Variants in DST observed in about 807,000 individuals in gnomAD.
DST encodes bullous pemphigoid antigen.
Under a neutral mutation model 875.2 loss-of-function variants are expected in DST, and 253 were observed. The ratio of observed to expected loss-of-function variants is 0.29; its 90% CI spans 0.26 to 0.32. The LOEUF is 0.32. Among genes scored for constraint, DST ranks in the 10% least tolerant of loss-of-function variants. The probability of loss-of-function intolerance (pLI) is 1.00; values close to 1 mark genes in which losing one functional copy is unlikely to be tolerated. For missense variants in DST, 8,287 were observed against 9,111.6 expected (o/e 0.91, Z 3.68); for synonymous variants, 3,124 against 3,197.1 (o/e 0.98, Z 0.77).
At position 56,458,786 on chromosome 6, in the gene DST, A is replaced by C. The variant is rs920945556; in HGVS notation, c.*219T>G. ...CAGTGCAGAAATGTTAGTTCATGTT[A>C]AACTTTTCCTCCTCACATATGATGT... On this transcript the variant is annotated 3_prime_UTR_variant, in exon 104 of 104. Coordinates refer to ENST00000680361, the MANE Select transcript of DST (RefSeq NM_001374736.1). 1 of 463,118 alleles carries C rather than the reference A, an allele frequency of 2.2e-6. No homozygotes were observed. The highest frequency in any genetic ancestry group is 2.0e-5 in the African/African-American group (1 of 50,866). The allele number at this position is 463,118 out of a possible 1,614,324, so 28.7% of individuals were successfully genotyped here. A position where few individuals can be genotyped will look rare whatever the true frequency, so the allele number is the denominator to read the frequency against.
chr6:56,801,288 C>T (rs1227160700), intron 4 of DST, among the ~76,000 whole-genome samples: 1 of 152,176 alleles, frequency 6.6e-6, no homozygotes, highest in African/African-American at 2.4e-5. Context: ...TTTTCACTTA[C>T]ACTCAGGAGA....
At chr6:56,627,372 T>A in intron 33 of DST, 85 bp from the exon 34 acceptor site, 1 of 911,856 alleles carries the variant, frequency 1.1e-6, no homozygotes, top group Non-Finnish European at 1.8e-6. Flanking sequence ...AAGACATATC[T>A]ACATCACTTC....
chr6:56,516,918 G>A (rs1412684643), intron 71 of DST, among the ~76,000 whole-genome samples: 1 of 152,084 alleles, frequency 6.6e-6, no homozygotes, highest in East Asian at 1.9e-4. Flanking sequence ...TAATAATACA[G>A]CTAACATTAA....
intron 80 of DST, 48 bp from the exon 81 acceptor site, chr6:56,498,101 A>G (rs1435009139): frequency 1.3e-6 from 2 of 1,519,192 alleles, no homozygotes; most frequent in East Asian, 2.3e-5. Context: ...TAACATGTTA[A>G]TATCATCTTT....
chr6:56,865,699 A>G (rs988687420), intron 3 of DST, among the ~76,000 whole-genome samples: 3 of 151,930 alleles, frequency 2.0e-5, no homozygotes, highest in Non-Finnish European at 4.4e-5. Flanking sequence ...TGCTCTGTTG[A>G]GTCATAGGGA....
At chr6:56,672,481 G>T (rs2099106738) in intron 9 of DST, among the ~76,000 whole-genome samples, 2 of 151,996 alleles carry the variant, frequency 1.3e-5, no homozygotes, top group African/African-American at 4.8e-5. Context: ...ACACATAGAA[G>T]AAATTTCTTT....
At chr6:56,622,888 C>T (rs1244886447) in intron 36 of DST, among the ~76,000 whole-genome samples, 2 of 152,174 alleles carry the variant, frequency 1.3e-5, no homozygotes, top group African/African-American at 4.8e-5. Context: ...AATTAACTTG[C>T]ATCCATCTTT....
In DST at chr6:56,573,701, T is replaced by C. The variant is rs1296184009; in HGVS notation, c.13214A>G (p.Gln4405Arg). 6.2e-7 allele frequency: 1 copy of C among 1,613,290 alleles called. No homozygotes were observed. The highest frequency in any genetic ancestry group is 1.1e-5 in the South Asian group (1 of 91,048). The change falls in exon 51 of 104, where the codon CAG (glutamine) becomes CGG (arginine). Residue 4405 changes from glutamine to arginine, a missense_variant. Coordinates refer to ENST00000680361, the MANE Select transcript of DST (RefSeq NM_001374736.1). Reference protein sequence around the residue: ...GQVPLNSTALQDIISKNIMLE... With the variant: ...GQVPLNSTALRDIISKNIMLE... ...TACAATGTTTTTACTGATAATATCC[T>C]GAAGAGCAGTAGAGTTTAAAGGCAC...
chr6:56,937,579 A>T (rs1289007244), intron 2 of DST, among the ~76,000 whole-genome samples: 2 of 152,232 alleles, frequency 1.3e-5, no homozygotes, highest in African/African-American at 4.8e-5. Context: ...TTGTACAGCC[A>T]TTTAAAAAAA....
At position 56,572,579 on chromosome 6, in the gene DST, T is replaced by C. The variant is rs368035518; in HGVS notation, c.13554+168A>G. On this transcript the variant is annotated intron_variant, in intron 52 of 103. Coordinates refer to ENST00000680361, the MANE Select transcript of DST (RefSeq NM_001374736.1). Reference sequence around the variant, plus strand: ...TTATTTCCAATCAATCAGCAAAGGCTTCAAGGAAAAGATAAGGTTTGAAAT... The same window carrying C: ...TTATTTCCAATCAATCAGCAAAGGCCTCAAGGAAAAGATAAGGTTTGAAAT... Among the ~76,000 whole-genome samples, 3 of 152,320 alleles carry C rather than the reference T, an allele frequency of 2.0e-5. No individual in the cohort carries two copies. In the East Asian group the frequency reaches 5.8e-4, roughly 29 times the overall value.
intron 2 of DST, among the ~76,000 whole-genome samples, chr6:56,916,766 TCTCTCTCTCTCTCA>T (rs1231903742): frequency 1.0e-5 from 1 of 98,672 alleles, no homozygotes; most frequent in Non-Finnish European, 2.0e-5. Flanking sequence ...TCTCTCTCTC[TCTCTCTCTCTCTCA>T]CACACACACA....
intron 4 of DST, among the ~76,000 whole-genome samples, chr6:56,794,973 G>A (rs1056449810): frequency 9.2e-5 from 14 of 152,218 alleles, no homozygotes; most frequent in Non-Finnish European, 1.6e-4. Flanking sequence ...CACAGATAGC[G>A]AGTCCATAAT....
intron 103 of DST, 44 bp downstream of exon 103, chr6:56,460,087 C>G (rs2094251790): frequency 1.3e-6 from 2 of 1,569,880 alleles, no homozygotes; most frequent in African/African-American, 2.7e-5. Flanking sequence ...CCTCAGATGA[C>G]CATGCTGCAA....
At chr6:56,597,115 CTGT>C (rs2098398663) in intron 47 of DST, among the ~76,000 whole-genome samples, 1 of 152,004 alleles carries the variant, frequency 6.6e-6, no homozygotes, top group Non-Finnish European at 1.5e-5. Flanking sequence ...CAGCACAGAC[CTGT>C]AGTCCCAGCT....
intron 4 of DST, among the ~76,000 whole-genome samples, chr6:56,737,197 A>C (rs901048299): frequency 2.6e-5 from 4 of 152,206 alleles, no homozygotes; most frequent in Non-Finnish European, 5.9e-5. Context: ...TTGTCTCCAA[A>C]AAATAATAAA....
rs772179591 is a variant in DST, at chr6:56,615,996, C to T, written c.4930-1512G>A. On this transcript the variant is annotated intron_variant, in intron 36 of 103. Coordinates refer to ENST00000680361, the MANE Select transcript of DST (RefSeq NM_001374736.1). ...CGGTACTTTTTGCCAGTAAGAGGATCAATTATGCCCCCTGTACTGACTTGG... is the reference window on the plus strand; with the variant it reads ...CGGTACTTTTTGCCAGTAAGAGGATTAATTATGCCCCCTGTACTGACTTGG... 6.2e-7 allele frequency: 1 copy of T among 1,614,192 alleles called. No individual in the cohort carries two copies. Among genetic ancestry groups the T allele is most frequent in the East Asian group, 2.2e-5 (1 of 44,880 alleles).
chr6:56,768,507 T>C (rs2099640269), intron 4 of DST, among the ~76,000 whole-genome samples: 1 of 152,118 alleles, frequency 6.6e-6, no homozygotes, highest in Non-Finnish European at 1.5e-5. Context: ...AATATACAAA[T>C]TTAGGCACAG....
intron 49 of DST, among the ~76,000 whole-genome samples, chr6:56,583,911 G>A (rs142395164): frequency 0.016 from 2,377 of 152,176 alleles, 53 homozygotes; most frequent in African/African-American, 0.054. Flanking sequence ...GTAGATACGC[G>A]GTGTTATTTC....
chr6:56,603,355 C>A lies in DST; in HGVS notation c.11007G>T (p.Glu3669Asp), dbSNP rs1373670634. Residue 3669 changes from glutamate to aspartate, a missense_variant, in exon 42 of 104, where the codon GAG becomes GAT. Physicochemically the swap from Glu to Asp is conservative, Grantham distance 45. Transcript: ENST00000680361. ...AGTCACTGGGAAGAGACTTTAAAAA[C>A]TCTTCTGCCAACTTCATATCTTTTC... is the stretch of plus-strand genomic sequence containing the variant. ...ILRKDMKLAEEFLKSLPSDFP... is the reference protein window; with the variant it reads ...ILRKDMKLAEDFLKSLPSDFP... 6.2e-7 allele frequency: 1 copy of A among 1,611,142 alleles called. No individual in the cohort carries two copies. Among genetic ancestry groups the A allele is most frequent in the African/African-American group, 1.3e-5 (1 of 74,962 alleles).
Sources: gnomAD v4.1 joint callset for allele counts (sites outside exome capture counted in the v4.1 genomes callset) on GRCh38, gnomAD v4.1.1 for gene constraint, MANE v1.5 for transcripts, NCBI Gene and HGNC (gene_info 2026-07-23, HGNC 2026-07-21) for gene names.